The following HRH2 variants were observed in gnomAD, a reference collection of about 807,000 sequenced individuals.
The protein encoded by HRH2 is histamine receptor H2.
Under a neutral mutation model 20.1 loss-of-function variants are expected in HRH2, and 4 were observed. The ratio of observed to expected loss-of-function variants is 0.20; its 90% CI spans 0.10 to 0.45. The LOEUF is 0.45. Among genes scored for constraint, HRH2 ranks in the 20% least tolerant of loss-of-function variants. The pLI is 0.99. For missense variants in HRH2, 250 were observed against 461.6 expected (o/e 0.54, Z 4.20); for synonymous variants, 197 against 200.7 (o/e 0.98, Z 0.16).
chr5:175,678,159 G>A (rs538047212), intron 1 of HRH2, among the ~76,000 whole-genome samples: 3 of 152,230 alleles, frequency 2.0e-5, no homozygotes, highest in East Asian at 1.9e-4. Flanking sequence ...AGTAGGTCCC[G>A]GATGTTGTCT....
chr5:175,662,894 A>C (rs940519115), intron 1 of HRH2, among the ~76,000 whole-genome samples: 1 of 152,186 alleles, frequency 6.6e-6, no homozygotes, highest in East Asian at 1.9e-4. Context: ...AGGTTTGCCT[A>C]TTCTGGACAT....
At position 175,683,022 on chromosome 5, in the gene HRH2, G is replaced by T; in HGVS notation, c.-212G>T. The T allele has an allele frequency of 1.7e-6, 1 of 597,716 alleles. No individual in the cohort carries two copies. The highest frequency in any genetic ancestry group is 2.9e-6 in the Non-Finnish European group (1 of 343,988). The allele number at this position is 597,716 out of a possible 1,614,324, so 37.0% of individuals were successfully genotyped here. A position where few individuals can be genotyped will look rare whatever the true frequency, so the allele number is the denominator to read the frequency against. ...CATATTCATTCCCAACACCTTAGAA[G>T]GTGTTGCTTAATTTATTTCTAGAAA... On this transcript the variant is annotated 5_prime_UTR_variant, in exon 2 of 3. The change creates a new upstream start codon in the 5' untranslated region. Coordinates refer to ENST00000636584, the MANE Select transcript of HRH2 (RefSeq NM_001367711.1).
intron 2 of HRH2, among the ~76,000 whole-genome samples, chr5:175,697,241 A>T (rs898236102): frequency 6.6e-6 from 1 of 152,052 alleles, no homozygotes; most frequent in Non-Finnish European, 1.5e-5. Flanking sequence ...AGGCGGGCGG[A>T]TCACGAGGTC....
At chr5:175,669,220 C>T (rs1285313515) in intron 1 of HRH2, among the ~76,000 whole-genome samples, 7 of 152,160 alleles carry the variant, frequency 4.6e-5, no homozygotes, top group Admixed American at 6.5e-5. Context: ...CCCCACATCC[C>T]CTTTTCCCAG....
At chr5:175,685,552 A>AT (rs781665884) in intron 2 of HRH2, 20 of 1,425,686 alleles carry the variant, frequency 1.4e-5, no homozygotes, top group East Asian at 5.0e-5. Context: ...TAGAAATGAG[A>AT]TTTTTTGGGT....
chr5:175,668,383 C>T (rs550605586), intron 1 of HRH2, among the ~76,000 whole-genome samples: 1 of 152,190 alleles, frequency 6.6e-6, no homozygotes, highest in African/African-American at 2.4e-5. Flanking sequence ...GAGGCAGAGA[C>T]CCCCCCAGCT....
Position 175,659,847 on chromosome 5 carries a change from T to C in HRH2, c.-526+1692T>C, listed in dbSNP as rs146329087. On this transcript the variant is annotated intron_variant, in intron 1 of 2. Coordinates refer to ENST00000636584, the MANE Select transcript of HRH2 (RefSeq NM_001367711.1). ...CTGAAGCCTGGCAGCAGGGTTGGGG[T>C]ACTCTTGCCAAGGGATTTCTCTAAG... Among the ~76,000 whole-genome samples the C allele has an allele frequency of 7.5e-3, 1,147 of 152,192 alleles. 45 individuals carry two copies. Among genetic ancestry groups the C allele is most frequent in the Admixed American group, 0.066 (1,006 of 15,290 alleles).
intron 2 of HRH2, among the ~76,000 whole-genome samples, chr5:175,692,195 T>C (rs1756406131): frequency 6.6e-6 from 1 of 152,218 alleles, no homozygotes; most frequent in Admixed American, 6.5e-5. Context: ...ACTCTGCCCT[T>C]GTAGGGTGAA....
chr5:175,695,142 C>T (rs1448856774), intron 2 of HRH2, among the ~76,000 whole-genome samples: 1 of 152,098 alleles, frequency 6.6e-6, no homozygotes, highest in Non-Finnish European at 1.5e-5. Context: ...ACCTGACAGG[C>T]ATCTCATGCT....
intron 1 of HRH2, among the ~76,000 whole-genome samples, chr5:175,658,669 C>G (rs549009687): frequency 6.6e-6 from 1 of 152,046 alleles, no homozygotes; most frequent in African/African-American, 2.4e-5. Flanking sequence ...TCTCAGGAAA[C>G]CAGAACGACC....
chr5:175,701,345 G>A (rs1261689571), intron 2 of HRH2, among the ~76,000 whole-genome samples: 2 of 152,212 alleles, frequency 1.3e-5, no homozygotes, highest in Admixed American at 6.5e-5. Context: ...AGTTAAAAGA[G>A]GATGGGGTTT....
intron 2 of HRH2, among the ~76,000 whole-genome samples, chr5:175,697,774 C>G (rs1756652664): frequency 6.6e-6 from 1 of 152,206 alleles, no homozygotes. Flanking sequence ...CTACAGAATC[C>G]CTTTCTGCCT....
chr5:175,697,044 T>C (rs1756616145), intron 2 of HRH2, among the ~76,000 whole-genome samples: 1 of 152,122 alleles, frequency 6.6e-6, no homozygotes, highest in Non-Finnish European at 1.5e-5. Context: ...GGAAGGCCAG[T>C]CCCCTCTTCT....
chr5:175,689,136 G>A (rs534091875), intron 2 of HRH2, among the ~76,000 whole-genome samples: 12 of 152,190 alleles, frequency 7.9e-5, no homozygotes, highest in South Asian at 2.1e-4. Flanking sequence ...CTCTCCTTCC[G>A]TCTGAGAGGT....
Position 175,696,236 on chromosome 5 carries a change from C to T in HRH2, c.1077-11543C>T, listed in dbSNP as rs557836217. On this transcript the variant is annotated intron_variant, in intron 2 of 2. Coordinates refer to ENST00000636584, the MANE Select transcript of HRH2 (RefSeq NM_001367711.1). ...TAAGGAGAGGGTACGTCAAGTCAGC[C>T]CATCTCAAAGTGGCAGTTATTGAAA... Among the ~76,000 whole-genome samples the T allele has an allele frequency of 5.9e-5, 9 of 152,346 alleles. No individual in the cohort carries two copies. The East Asian group carries it at 1.7e-3, about 29-fold the overall frequency.
In HRH2 at chr5:175,686,912, C is replaced by G. The variant is rs535869356; in HGVS notation, c.1076+2603C>G. Among the ~76,000 whole-genome samples the G allele has an allele frequency of 4.0e-3, 602 of 152,332 alleles. 5 individuals are homozygous for G. The highest frequency in any genetic ancestry group is 0.014 in the African/African-American group (567 of 41,582). ...CCTGCCGCAGACTGTCCTCCAGGCT[C>G]CCGGCATGCTGCAGGGTATGAGTGT... On this transcript the variant is annotated intron_variant, in intron 2 of 2. Transcript: ENST00000636584. The surrounding 1 kb of genome is among the most constrained non-coding windows in gnomAD (Gnocchi z 4.7).
chr5:175,692,698 AG>A (rs1036170044), intron 2 of HRH2, among the ~76,000 whole-genome samples: 7 of 152,164 alleles, frequency 4.6e-5, no homozygotes, highest in African/African-American at 1.7e-4. Context: ...GAATTGTTCC[AG>A]GGGGGTCCTG....
Position 175,709,508 on chromosome 5 carries a change from CTGCGTGCCT to C in HRH2, c.*1538_*1546del, listed in dbSNP as rs1382923869. The C allele has an allele frequency of 7.9e-6, 1 of 125,816 alleles. No homozygotes were observed. Among genetic ancestry groups the C allele is most frequent in the Non-Finnish European group, 1.5e-5 (1 of 66,806 alleles). 7.8% of individuals were successfully genotyped at this position (125,816 alleles called of 1,614,324 possible). A position where few individuals can be genotyped will look rare whatever the true frequency, so the allele number is the denominator to read the frequency against. On this transcript the variant is annotated 3_prime_UTR_variant, in exon 3 of 3. Coordinates refer to ENST00000636584, the MANE Select transcript of HRH2 (RefSeq NM_001367711.1). Reference sequence around the variant, plus strand: ...GCGCTCTCCCTCAGCGTGTCTGCAGCTGCGTGCCTGCAGCTGCGTGCCTGCCTTCTCCCT... The same window carrying C: ...GCGCTCTCCCTCAGCGTGTCTGCAGCGCAGCTGCGTGCCTGCCTTCTCCCT...
At chr5:175,659,082 A>G (rs747220693) in intron 1 of HRH2, among the ~76,000 whole-genome samples, 8 of 152,188 alleles carry the variant, frequency 5.3e-5, no homozygotes, top group South Asian at 2.1e-4. Flanking sequence ...GAGAGGGTCA[A>G]TCGGTGAAGC....
Sources: gnomAD v4.1 joint callset for allele counts (sites outside exome capture counted in the v4.1 genomes callset) on GRCh38, gnomAD v4.1.1 for gene constraint, Gnocchi (gnomAD v3.1) non-coding constraint, MANE v1.5 for transcripts, NCBI Gene and HGNC (gene_info 2026-07-23, HGNC 2026-07-21) for gene names.